Variants in TNNI3K observed in about 807,000 individuals in gnomAD.
TNNI3K encodes serine/threonine-protein kinase TNNI3K.
TNNI3K carries 140 observed loss-of-function variants against 114.5 expected under a neutral mutation model. That is an observed-to-expected ratio of 1.22 (90% CI 1.07 to 1.41). TNNI3K has a LOEUF of 1.41. Among genes scored for constraint, TNNI3K ranks in the 40% most tolerant of loss-of-function variants. TNNI3K has a pLI of 0.00. For missense variants in TNNI3K, 1,125 were observed against 1,007.6 expected (o/e 1.12, Z -1.58); for synonymous variants, 347 against 347.5 (o/e 1.00, Z 0.02).
chr1:74,426,135 AG>A (rs1283901596), intron 17 of TNNI3K, among the ~76,000 whole-genome samples: 1 of 152,092 alleles, frequency 6.6e-6, no homozygotes, highest in Admixed American at 6.6e-5. Flanking sequence ...GTGTTCGCTA[AG>A]GGGAGATGGA....
intron 5 of TNNI3K, among the ~76,000 whole-genome samples, chr1:74,323,166 G>T (rs1237948923): frequency 6.6e-6 from 1 of 151,718 alleles, no homozygotes; most frequent in Non-Finnish European, 1.5e-5. Flanking sequence ...GACTATCACT[G>T]AACAACCTTT....
intron 2 of TNNI3K, among the ~76,000 whole-genome samples, chr1:74,241,758 T>C (rs1654233917): frequency 1.3e-5 from 2 of 152,298 alleles, no homozygotes; most frequent in South Asian, 2.1e-4. Flanking sequence ...TTTGTTTTGC[T>C]GTGCAGAAGC....
At chr1:74,389,081 G>C (rs1178906613) in intron 17 of TNNI3K, among the ~76,000 whole-genome samples, 1 of 152,240 alleles carries the variant, frequency 6.6e-6, no homozygotes, top group Admixed American at 6.5e-5. Flanking sequence ...ACAGACCACA[G>C]ATACAAGACT....
intron 23 of TNNI3K, among the ~76,000 whole-genome samples, chr1:74,524,503 C>T (rs370496141): frequency 6.6e-6 from 1 of 152,140 alleles, no homozygotes; most frequent in Non-Finnish European, 1.5e-5. Flanking sequence ...AAAAATTGCA[C>T]AGGAAAATGC....
chr1:74,368,304 T>A (rs1371084094), intron 13 of TNNI3K, among the ~76,000 whole-genome samples: 2 of 151,896 alleles, frequency 1.3e-5, no homozygotes, highest in East Asian at 3.9e-4. Flanking sequence ...AAAATATATA[T>A]TATTTTTCAA....
At chr1:74,397,005 A>G (rs1430587313) in intron 17 of TNNI3K, among the ~76,000 whole-genome samples, 1 of 152,162 alleles carries the variant, frequency 6.6e-6, no homozygotes, top group Non-Finnish European at 1.5e-5. Flanking sequence ...GTAAGGAGAG[A>G]AAGTGTTAAG....
chr1:74,265,724 T>C (rs1655935839), intron 4 of TNNI3K, among the ~76,000 whole-genome samples: 1 of 152,064 alleles, frequency 6.6e-6, no homozygotes, highest in African/African-American at 2.4e-5. Flanking sequence ...ACAACAATGC[T>C]ATGAGAATGA....
At chr1:74,318,279 C>A (rs904033538) in intron 5 of TNNI3K, among the ~76,000 whole-genome samples, 5 of 152,164 alleles carry the variant, frequency 3.3e-5, no homozygotes, top group Non-Finnish European at 7.3e-5. Flanking sequence ...CCCTAAGGAG[C>A]TATTTTAAAA....
chr1:74,497,044 A>G (rs1669362279), intron 23 of TNNI3K, among the ~76,000 whole-genome samples: 1 of 152,226 alleles, frequency 6.6e-6, no homozygotes, highest in Non-Finnish European at 1.5e-5. Flanking sequence ...TTTTCACACT[A>G]CAAAAGGGTC....
intron 17 of TNNI3K, among the ~76,000 whole-genome samples, chr1:74,423,683 T>C (rs776341016): frequency 1.1e-4 from 16 of 152,108 alleles, no homozygotes; most frequent in South Asian, 2.1e-4. Context: ...TTTCTTCATA[T>C]GGTTTAACTG....
chr1:74,495,829 TG>T (rs2100320628), intron 23 of TNNI3K, among the ~76,000 whole-genome samples: 1 of 152,334 alleles, frequency 6.6e-6, no homozygotes, highest in African/African-American at 2.4e-5. Flanking sequence ...CAGTTTCTCC[TG>T]GAAGTCAATC....
At chr1:74,295,169 T>C in intron 5 of TNNI3K, among the ~76,000 whole-genome samples, 1 of 7,690 alleles carries the variant, frequency 1.3e-4, no homozygotes, top group African/African-American at 2.7e-4. Context: ...ATTTTGACAG[T>C]TACTAATTAT....
chr1:74,324,852 A>G (rs983443976), intron 5 of TNNI3K, among the ~76,000 whole-genome samples: 1 of 152,142 alleles, frequency 6.6e-6, no homozygotes, highest in African/African-American at 2.4e-5. Context: ...ATTGAGAGGG[A>G]TCACTGCTGC....
At chr1:74,481,256 A>G (rs973584617) in intron 21 of TNNI3K, among the ~76,000 whole-genome samples, 1 of 152,174 alleles carries the variant, frequency 6.6e-6, no homozygotes, top group African/African-American at 2.4e-5. Flanking sequence ...GTTTCGGATT[A>G]TCTTCATCGA....
At chr1:74,359,853 A>C (rs1661860552) in intron 11 of TNNI3K, among the ~76,000 whole-genome samples, 1 of 151,922 alleles carries the variant, frequency 6.6e-6, no homozygotes. Flanking sequence ...AAAACTCAAC[A>C]AGTCCAAAAT....
intron 23 of TNNI3K, among the ~76,000 whole-genome samples, chr1:74,496,351 C>A (rs1669325543): frequency 6.6e-6 from 1 of 152,166 alleles, no homozygotes. Flanking sequence ...CCACTAACTT[C>A]TGATCTTTGG....
intron 5 of TNNI3K, among the ~76,000 whole-genome samples, chr1:74,305,734 G>C (rs556759518): frequency 1.3e-5 from 2 of 152,248 alleles, no homozygotes; most frequent in African/African-American, 4.8e-5. Flanking sequence ...CCTAGATTCA[G>C]TTGGTTAATT....
intron 21 of TNNI3K, among the ~76,000 whole-genome samples, chr1:74,485,104 T>C (rs1668688020): frequency 6.6e-6 from 1 of 152,190 alleles, no homozygotes; most frequent in Non-Finnish European, 1.5e-5. Context: ...CAAAGAACTT[T>C]CTAGCTAGTG....
rs137910358 is a variant in TNNI3K at position 74,516,608 on chromosome 1, G to A, written c.2352-23626G>A. Among the ~76,000 whole-genome samples the A allele has an allele frequency of 3.1e-4, 47 of 152,286 alleles. 1 individual carries two copies. The East Asian group carries it at 5.0e-3, about 16-fold the overall frequency. ...AGGCCTGCTGCTTGAGACCTGGACC[G>A]TGGGACCTTGCTACTATGGGCCATG... On this transcript the variant is annotated intron_variant, in intron 23 of 24. Transcript: ENST00000326637.
Sources: allele counts gnomAD v4.1 joint callset (sites outside exome capture counted in the v4.1 genomes callset), GRCh38; gene constraint gnomAD v4.1.1; transcripts MANE v1.5; gene names NCBI Gene and HGNC (gene_info 2026-07-23, HGNC 2026-07-21).